The following TTC8 variants were observed in gnomAD, a reference collection of about 807,000 sequenced individuals.
TTC8 encodes tetratricopeptide repeat domain 8.
In TTC8, 47 loss-of-function variants were observed where a neutral mutation model predicts 72.5. That is an observed-to-expected ratio of 0.65 (90% CI 0.51 to 0.83). The LOEUF (loss-of-function observed/expected upper bound fraction) is 0.83, where lower values mean the gene tolerates loss of function less well. TTC8 is among the 40% of genes least tolerant of loss of function. The pLI is 0.00. For missense variants in TTC8, 611 were observed against 623.2 expected, an observed-to-expected ratio of 0.98 and a Z score of 0.21; for synonymous variants, 199 against 221.4, an observed-to-expected ratio of 0.90 and a Z score of 0.90.
chr14:88,844,432 A>G (rs909291999), intron 7 of TTC8, among the ~76,000 whole-genome samples: 2 of 152,232 alleles, frequency 1.3e-5, no homozygotes, highest in Non-Finnish European at 2.9e-5. Context: ...TTCATTCTAC[A>G]GTGTCTGATT....
chr14:88,843,055 C>T (rs1381476548), intron 6 of TTC8, among the ~76,000 whole-genome samples: 1 of 151,986 alleles, frequency 6.6e-6, no homozygotes. Flanking sequence ...CTGTTAGCCT[C>T]TTTGCAAGTG....
intron 11 of TTC8, among the ~76,000 whole-genome samples, chr14:88,870,633 G>A (rs994454082): frequency 6.6e-6 from 1 of 152,174 alleles, no homozygotes; most frequent in African/African-American, 2.4e-5. Context: ...GTTTTGTGCA[G>A]CATTGTTGGT....
chr14:88,840,003 C>T (rs1367223693), intron 3 of TTC8, among the ~76,000 whole-genome samples: 1 of 152,146 alleles, frequency 6.6e-6, no homozygotes, highest in Non-Finnish European at 1.5e-5. Flanking sequence ...AAAAAAAGGT[C>T]GTTCGAAAAC....
chr14:88,856,992 G>T (rs770321271), intron 8 of TTC8, among the ~76,000 whole-genome samples, 198 bp from the exon 9 acceptor site: 1 of 152,150 alleles, frequency 6.6e-6, no homozygotes, highest in Non-Finnish European at 1.5e-5. Flanking sequence ...ACCATTTGGG[G>T]GTTAGAAGCC....
At position 88,841,105 on chromosome 14, in the gene TTC8, G is replaced by A; in HGVS notation, c.398G>A (p.Gly133Asp). The change falls in exon 5 of 15, where the codon GGC becomes GAC. Residue 133 changes from glycine (G) to aspartate (D), a missense_variant. Coordinates refer to ENST00000380656, the MANE Select transcript of TTC8 (RefSeq NM_144596.4). ...CCCAGCACGCAGAGTGGAAGGCCAG[G>A]CACTATGGAACAGGCTATCAGAACA... ...LRPSTQSGRPGTMEQAIRTPR... is the reference protein window; with the variant it reads ...LRPSTQSGRPDTMEQAIRTPR... The A allele has an allele frequency of 6.2e-7, 1 of 1,614,082 alleles. No individual in the cohort carries two copies. The highest frequency in any genetic ancestry group is 1.7e-5 in the Admixed American group (1 of 59,988).
intron 1 of TTC8, among the ~76,000 whole-genome samples, chr14:88,833,153 T>C (rs11850663): frequency 0.023 from 3,515 of 152,332 alleles, 148 homozygotes; most frequent in African/African-American, 0.08. Context: ...CAACAGACAT[T>C]GCTGACTAGA....
intron 7 of TTC8, among the ~76,000 whole-genome samples, chr14:88,849,743 C>A (rs560829168): frequency 2.0e-5 from 3 of 152,134 alleles, no homozygotes; most frequent in Admixed American, 2.0e-4. Flanking sequence ...ACAGAGAACG[C>A]CATGCAGTGG....
intron 1 of TTC8, among the ~76,000 whole-genome samples, chr14:88,828,792 T>C (rs1249964693): frequency 6.6e-6 from 1 of 152,212 alleles, no homozygotes; most frequent in Admixed American, 6.5e-5. Context: ...CTTATTGAGA[T>C]GAAGGCCACC....
intron 2 of TTC8, chr14:88,836,882 A>G: frequency 5.7e-6 from 1 of 174,836 alleles, no homozygotes; most frequent in South Asian, 9.0e-5. Flanking sequence ...CAACATGGTG[A>G]AACCCCATCT....
At chr14:88,880,883 A>G (rs1053493508), downstream of TTC8, 1 of 152,122 alleles carries the variant, frequency 6.6e-6, no homozygotes, top group East Asian at 1.9e-4. Flanking sequence ...GTTGATAAAC[A>G]TATGTAACAA....
chr14:88,824,927 G>T, intron 1 of TTC8, 106 bp downstream of exon 1: 2 of 1,131,324 alleles, frequency 1.8e-6, no homozygotes. Flanking sequence ...GCCCGAGGCG[G>T]GGCTGACCGT....
intron 7 of TTC8, among the ~76,000 whole-genome samples, chr14:88,844,910 A>T (rs1162271181): frequency 1.3e-5 from 2 of 152,180 alleles, no homozygotes; most frequent in Non-Finnish European, 2.9e-5. Flanking sequence ...ACTAATAAAA[A>T]ATATGATACT....
intron 8 of TTC8, among the ~76,000 whole-genome samples, chr14:88,853,257 A>T (rs370038525): frequency 6.6e-6 from 1 of 152,168 alleles, no homozygotes; most frequent in African/African-American, 2.4e-5. Flanking sequence ...TTGAGCTGGG[A>T]GAGGGAAGCT....
intron 2 of TTC8, among the ~76,000 whole-genome samples, chr14:88,838,515 C>G (rs1460303470): frequency 1.3e-5 from 2 of 152,158 alleles, no homozygotes; most frequent in Non-Finnish European, 2.9e-5. Flanking sequence ...TCCCTTGCTG[C>G]TACTTCCTCT....
At chr14:88,862,332 T>A (rs979982975) in intron 10 of TTC8, among the ~76,000 whole-genome samples, 3 of 151,466 alleles carry the variant, frequency 2.0e-5, no homozygotes, top group Non-Finnish European at 2.9e-5. Context: ...TAAATTGGAT[T>A]GCTTGTTTTC....
rs1757036683 is a variant in TTC8 at position 88,858,234 on chromosome 14, G to T, written c.798+957G>T. The stretch of plus-strand genomic sequence containing the variant: ...GCCTCAGCCTCCTTAAAGTGCTGGG[G>T]TTACAGGTGGGAGCCACCATGCCTG... On this transcript the variant is annotated intron_variant, in intron 9 of 14. Transcript: ENST00000380656. Among the ~76,000 whole-genome samples the T allele has an allele frequency of 2.0e-5, 3 of 152,194 alleles. No homozygotes were observed. In the South Asian group the frequency reaches 6.2e-4, roughly 32 times the overall value.
Position 88,877,789 on chromosome 14 carries a change from GA to G in TTC8, c.*382del, listed in dbSNP as rs542858982. 156 of 161,442 alleles carry G rather than the reference GA, an allele frequency of 9.7e-4. No individual in the cohort carries two copies. Among genetic ancestry groups the G allele is most frequent in the Non-Finnish European group, 1.8e-3 (136 of 73,798 alleles). The allele number at this position is 161,442 out of a possible 1,614,324, so 10.0% of individuals were successfully genotyped here. On this transcript the variant is annotated 3_prime_UTR_variant, in exon 15 of 15. Transcript: ENST00000380656. ...AGCCATCATGTAGCTTAAGGAGTCT[GA>G]AATCTGCCATTAAAACTGCACCTTT...
chr14:88,826,414 C>G (rs908833087), intron 1 of TTC8, among the ~76,000 whole-genome samples: 1 of 151,704 alleles, frequency 6.6e-6, no homozygotes, highest in African/African-American at 2.4e-5. Context: ...TGTTAAGAAC[C>G]TTTGATGTGG....
intron 8 of TTC8, among the ~76,000 whole-genome samples, chr14:88,853,309 C>G (rs1216428156): frequency 6.6e-6 from 1 of 152,172 alleles, no homozygotes; most frequent in African/African-American, 2.4e-5. Context: ...CATGAGGAAG[C>G]TGAGGCCAAG....
Sources: allele counts gnomAD v4.1 joint callset (sites outside exome capture counted in the v4.1 genomes callset), GRCh38; gene constraint gnomAD v4.1.1; transcripts MANE v1.5; gene names NCBI Gene and HGNC (gene_info 2026-07-23, HGNC 2026-07-21).